GARIN2: variants seen among roughly 807,000 people sequenced by gnomAD.
The protein encoded by GARIN2 is Golgi-associated RAB2 interactor protein 2.
the GARIN2 span, chr14:67,204,935 A>T: frequency 1.9e-5 from 30 of 1,612,282 alleles, no homozygotes; most frequent in Non-Finnish European, 2.5e-5. Flanking sequence ...CCAGAAAATG[A>T]GGTCCCAGAG....
the GARIN2 span, among the ~76,000 whole-genome samples, chr14:67,202,600 TG>T: frequency 6.6e-6 from 1 of 152,242 alleles, no homozygotes; most frequent in African/African-American, 2.4e-5. Flanking sequence ...GGCAAGAGTT[TG>T]TGGAATTTAT....
At chr14:67,225,021 C>T in the GARIN2 span, 2 of 1,108,348 alleles carry the variant, frequency 1.8e-6, no homozygotes, top group African/African-American at 3.3e-5. Flanking sequence ...CCTTCTGTGC[C>T]TTTTTTTTCC....
the GARIN2 span, among the ~76,000 whole-genome samples, chr14:67,209,767 G>A: frequency 0.16 from 22,997 of 147,200 alleles, 3,365 homozygotes; most frequent in East Asian, 0.42. Context: ...GCAGTGAGCC[G>A]AGATCGTGCC....
chr14:67,199,660 G>A, the GARIN2 span: 115 of 1,578,470 alleles, frequency 7.3e-5, no homozygotes, highest in Middle Eastern at 3.3e-4. Context: ...CTCAGAACCC[G>A]CTCTCCCAGC....
chr14:67,193,780 A>C, the GARIN2 span, among the ~76,000 whole-genome samples: 3 of 135,156 alleles, frequency 2.2e-5, no homozygotes, highest in Non-Finnish European at 4.8e-5. Context: ...CAATTTCTAC[A>C]AAAAAAAAAA....
At chr14:67,197,056 G>A in the GARIN2 span, 3 of 152,036 alleles carry the variant, frequency 2.0e-5, no homozygotes, top group African/African-American at 7.3e-5. Context: ...AACCTCCCAA[G>A]TAGCTGGAAC....
chr14:67,221,706 T>C, the GARIN2 span: 33 of 1,580,664 alleles, frequency 2.1e-5, no homozygotes, highest in Non-Finnish European at 2.8e-5. Context: ...GGTTATTTTA[T>C]ATCTAGTAGA....
At chr14:67,199,085 G>C in the GARIN2 span, 7 of 1,010,128 alleles carry the variant, frequency 6.9e-6, no homozygotes, top group African/African-American at 1.6e-5. Flanking sequence ...CGATCTCCGA[G>C]CGGAACCAGG....
At chr14:67,198,218 C>T in the GARIN2 span, 5 of 1,613,914 alleles carry the variant, frequency 3.1e-6, no homozygotes, top group Non-Finnish European at 1.7e-6. Context: ...ATGCTCTCTG[C>T]ACCCCACACT....
chr14:67,226,306 C>A, the GARIN2 span, among the ~76,000 whole-genome samples: 1 of 140,666 alleles, frequency 7.1e-6, no homozygotes, highest in Admixed American at 7.0e-5. Context: ...GTTCTCATGC[C>A]TCAGCCTCCT....
the GARIN2 span, among the ~76,000 whole-genome samples, chr14:67,214,086 T>C: frequency 2.0e-5 from 3 of 152,236 alleles, no homozygotes; most frequent in Non-Finnish European, 2.9e-5. Context: ...GATGAGTAGG[T>C]TGCGAAAATG....
At chr14:67,198,653 A>G in the GARIN2 span, among the ~76,000 whole-genome samples, 1 of 152,240 alleles carries the variant, frequency 6.6e-6, no homozygotes, top group Non-Finnish European at 1.5e-5. Context: ...TAGGCGTAGA[A>G]GACATTCTAA....
the GARIN2 span, among the ~76,000 whole-genome samples, chr14:67,202,032 T>A: frequency 6.6e-6 from 1 of 152,106 alleles, no homozygotes; most frequent in Admixed American, 6.5e-5. Flanking sequence ...CAGCTAGAGG[T>A]CTCTTCCTCA....
the GARIN2 span, among the ~76,000 whole-genome samples, chr14:67,210,409 G>A: frequency 6.6e-6 from 1 of 151,800 alleles, no homozygotes; most frequent in African/African-American, 2.4e-5. Flanking sequence ...AACATAGGGA[G>A]ACCCTGTCTC....
chr14:67,222,698 C>T, the GARIN2 span, among the ~76,000 whole-genome samples: 1 of 152,154 alleles, frequency 6.6e-6, no homozygotes, highest in Non-Finnish European at 1.5e-5. Flanking sequence ...ATAGGCACCT[C>T]TTATAGGTTG....
the GARIN2 span, among the ~76,000 whole-genome samples, chr14:67,210,197 T>C: frequency 6.6e-6 from 1 of 152,230 alleles, no homozygotes; most frequent in African/African-American, 2.4e-5. Flanking sequence ...GTAATCCAAA[T>C]GCTCACAACT....
At chr14:67,194,860 G>C in the GARIN2 span, among the ~76,000 whole-genome samples, 2 of 152,170 alleles carry the variant, frequency 1.3e-5, no homozygotes, top group East Asian at 1.9e-4. Context: ...GTTTCACAAC[G>C]TTGGCCAGGC....
chr14:67,203,994 G>A, the GARIN2 span, among the ~76,000 whole-genome samples: 1 of 152,182 alleles, frequency 6.6e-6, no homozygotes, highest in African/African-American at 2.4e-5. Context: ...TTACAGGCGT[G>A]AGCCACTGCA....
the GARIN2 span, chr14:67,225,058 C>A: frequency 1.4e-6 from 2 of 1,412,904 alleles, no homozygotes; most frequent in Non-Finnish European, 1.9e-6. Context: ...TTTTCTTTCT[C>A]ACTTCCTCTC....
Sources: allele counts gnomAD v4.1 joint callset (sites outside exome capture counted in the v4.1 genomes callset), GRCh38; gene constraint gnomAD v4.1.1; transcripts MANE v1.5; gene names NCBI Gene and HGNC (gene_info 2026-07-23, HGNC 2026-07-21).